Variants in ZNF423 observed in about 807,000 individuals in gnomAD.
ZNF423 encodes Ebf-associated zinc finger protein.
In ZNF423, 12 loss-of-function variants were observed where a neutral mutation model predicts 95.8. The observed-to-expected ratio is 0.13, with a 90% CI of 0.08 to 0.20. ZNF423 has a LOEUF of 0.20. Ranked by LOEUF, ZNF423 falls within the 10% of genes least tolerant of loss-of-function variation. ZNF423 has a pLI of 1.00. For synonymous variants in ZNF423, 749 were observed against 711.9 expected (o/e 1.05, Z -0.83); for missense variants, 1,316 against 1,737.1 (o/e 0.76, Z 4.31).
intron 7 of ZNF423, among the ~76,000 whole-genome samples, chr16:49,502,282 G>A (rs1017777373): frequency 3.9e-5 from 6 of 152,108 alleles, no homozygotes; most frequent in Non-Finnish European, 8.8e-5. Context: ...TGTGGGACTC[G>A]GTGTGGTTAA....
At chr16:49,808,847 G>A (rs1407505152) in intron 1 of ZNF423, among the ~76,000 whole-genome samples, 1 of 152,238 alleles carries the variant, frequency 6.6e-6, no homozygotes, top group Non-Finnish European at 1.5e-5. Context: ...CTCCAGCTGT[G>A]CATTCCCTAC....
chr16:49,783,092 C>T (rs921209184), intron 2 of ZNF423, among the ~76,000 whole-genome samples: 4 of 152,022 alleles, frequency 2.6e-5, no homozygotes, highest in South Asian at 2.1e-4. Context: ...CTCAGGATCA[C>T]GCATGATGTT....
intron 1 of ZNF423, among the ~76,000 whole-genome samples, chr16:49,839,747 C>G (rs544177886): frequency 6.6e-6 from 1 of 152,160 alleles, no homozygotes; most frequent in Non-Finnish European, 1.5e-5. Context: ...CCAGCCGGCT[C>G]GCCGCCCTCC....
At chr16:49,826,312 A>G (rs2035004712) in intron 1 of ZNF423, among the ~76,000 whole-genome samples, 1 of 152,236 alleles carries the variant, frequency 6.6e-6, no homozygotes, top group South Asian at 2.1e-4. Context: ...CTCAAAGAGA[A>G]CCTTCCAAGA....
chr16:49,802,407 G>A (rs535144826), intron 1 of ZNF423, among the ~76,000 whole-genome samples: 67 of 152,290 alleles, frequency 4.4e-4, no homozygotes, highest in African/African-American at 1.5e-3. Context: ...ATGGTGTGCT[G>A]GTCAATGTCT....
At chr16:49,664,290 G>T (rs1229045988) in intron 3 of ZNF423, 1 of 985,722 alleles carries the variant, frequency 1.0e-6, no homozygotes, top group Non-Finnish European at 1.2e-6. Flanking sequence ...TGGGCCGAGG[G>T]TGTGCTGCTC....
intron 1 of ZNF423, among the ~76,000 whole-genome samples, chr16:49,805,368 A>G (rs1474873750): frequency 6.6e-6 from 1 of 152,184 alleles, no homozygotes; most frequent in African/African-American, 2.4e-5. Flanking sequence ...GATACTCCCA[A>G]TGGCCCTACA....
intron 1 of ZNF423, among the ~76,000 whole-genome samples, chr16:49,852,013 C>T (rs989641080): frequency 6.6e-6 from 1 of 152,142 alleles, no homozygotes; most frequent in Admixed American, 6.5e-5. Flanking sequence ...AAACAAATCT[C>T]GACAATTTAT....
chr16:49,769,805 C>A (rs1339597924), intron 2 of ZNF423, among the ~76,000 whole-genome samples: 1 of 151,220 alleles, frequency 6.6e-6, no homozygotes, highest in Non-Finnish European at 1.5e-5. Flanking sequence ...AAGCCCACCT[C>A]TCCCTCCTCT....
At chr16:49,504,853 C>T (rs1050318643) in intron 7 of ZNF423, among the ~76,000 whole-genome samples, 5 of 152,160 alleles carry the variant, frequency 3.3e-5, no homozygotes, top group Non-Finnish European at 5.9e-5. Flanking sequence ...AGTGGAAGAA[C>T]AGAAGACCTC....
intron 1 of ZNF423, among the ~76,000 whole-genome samples, chr16:49,809,925 C>A: frequency 6.6e-6 from 1 of 152,124 alleles, no homozygotes; most frequent in East Asian, 1.9e-4. Flanking sequence ...CCCAGGCCCC[C>A]AGCCTGCGCC....
chr16:49,797,716 C>T (rs1201106009), intron 1 of ZNF423, among the ~76,000 whole-genome samples: 4 of 152,200 alleles, frequency 2.6e-5, no homozygotes, highest in Non-Finnish European at 5.9e-5. Flanking sequence ...GTTTAACTCC[C>T]GTGATTCACC....
At chr16:49,501,146 T>A (rs190459684) in intron 7 of ZNF423, among the ~76,000 whole-genome samples, 24 of 152,268 alleles carry the variant, frequency 1.6e-4, no homozygotes, top group African/African-American at 4.6e-4. Flanking sequence ...TGGAACTGCA[T>A]GTCTGGATGG....
At chr16:49,771,175 ATTTCTTTTTTTTT>A (rs1177552603) in intron 2 of ZNF423, among the ~76,000 whole-genome samples, 11 of 138,258 alleles carry the variant, frequency 8.0e-5, no homozygotes, top group Non-Finnish European at 1.1e-4. Flanking sequence ...CTCATCTTGA[ATTTCTTTTTTTTT>A]TTTCTTTTTT....
intron 4 of ZNF423, among the ~76,000 whole-genome samples, chr16:49,631,934 C>T (rs1972517509): frequency 6.6e-6 from 1 of 152,180 alleles, no homozygotes; most frequent in Admixed American, 6.5e-5. Flanking sequence ...TGCCCACTGT[C>T]TGAGCTGCCA....
intron 2 of ZNF423, among the ~76,000 whole-genome samples, chr16:49,787,698 AC>A (rs905642377): frequency 9.9e-5 from 15 of 150,886 alleles, no homozygotes; most frequent in Admixed American, 5.9e-4. Flanking sequence ...GGTGCTTGAC[AC>A]CCCCCCTGCC....
intron 7 of ZNF423, among the ~76,000 whole-genome samples, chr16:49,512,187 C>G (rs192449966): frequency 1.2e-3 from 177 of 152,346 alleles, no homozygotes; most frequent in Non-Finnish European, 8.5e-4. Context: ...CACCTATGCA[C>G]AGCTGGCACA....
intron 1 of ZNF423, among the ~76,000 whole-genome samples, chr16:49,815,914 ATTTT>A (rs58692079): frequency 0.013 from 378 of 29,756 alleles, 16 homozygotes; most frequent in African/African-American, 0.041. Context: ...ATATATATAT[ATTTT>A]TTTTTTTTTT....
intron 1 of ZNF423, among the ~76,000 whole-genome samples, chr16:49,815,884 ATAT>A (rs2034837243): frequency 1.3e-4 from 5 of 39,754 alleles, no homozygotes; most frequent in African/African-American, 5.0e-4. Context: ...AAAAAAAAAT[ATAT>A]ATATATATAT....
Sources: gnomAD v4.1 joint callset for allele counts (sites outside exome capture counted in the v4.1 genomes callset) on GRCh38, gnomAD v4.1.1 for gene constraint, MANE v1.5 for transcripts, NCBI Gene and HGNC (gene_info 2026-07-23, HGNC 2026-07-21) for gene names.